Variants in GAS7 observed in about 807,000 individuals in gnomAD.
GAS7 encodes growth arrest specific 7.
In GAS7, 28 loss-of-function variants were observed where a neutral mutation model predicts 71.1. The observed-to-expected ratio is 0.39, with a 90% confidence interval of 0.29 to 0.54. The LOEUF is 0.54. Ranked by LOEUF, GAS7 falls within the 20% of genes least tolerant of loss-of-function variation. The pLI is 0.62. For synonymous variants in GAS7, 258 were observed against 245.8 expected (o/e 1.05, Z -0.46); for missense variants, 436 against 627.8 (o/e 0.69, Z 3.27).
At chr17:10,179,229 T>C (rs961179387) in intron 1 of GAS7, among the ~76,000 whole-genome samples, 7 of 151,918 alleles carry the variant, frequency 4.6e-5, no homozygotes, top group African/African-American at 1.2e-4. Flanking sequence ...CTCTGGAGGC[T>C]GAGGCAGGAG....
intron 1 of GAS7, chr17:10,036,779 T>C (rs1490760024): frequency 3.5e-6 from 4 of 1,144,428 alleles, no homozygotes; most frequent in Non-Finnish European, 4.3e-6. Flanking sequence ...ACTCTCCCTC[T>C]TTTTCCCCTT....
At chr17:9,973,367 C>T (rs1406624487) in intron 3 of GAS7, among the ~76,000 whole-genome samples, 1 of 151,838 alleles carries the variant, frequency 6.6e-6, no homozygotes, top group Non-Finnish European at 1.5e-5. Context: ...GATTCTCCTG[C>T]CTCAGCCTCC....
intron 6 of GAS7, among the ~76,000 whole-genome samples, chr17:9,945,351 C>T (rs1031574359): frequency 6.6e-6 from 1 of 151,882 alleles, no homozygotes; most frequent in Non-Finnish European, 1.5e-5. Context: ...CTAACACCCT[C>T]CTTCCACAAG....
Position 9,916,412 on chromosome 17 carries a change from A to T in GAS7, c.*816T>A, listed in dbSNP as rs2067583326. 1 of 233,192 alleles carries T rather than the reference A, an allele frequency of 4.3e-6. No individual in the cohort carries two copies. The highest frequency in any genetic ancestry group is 8.5e-6 in the Non-Finnish European group (1 of 117,902). The allele number at this position is 233,192 out of a possible 1,614,324, so 14.4% of individuals were successfully genotyped here. A position where few individuals can be genotyped will look rare whatever the true frequency, so the allele number is the denominator to read the frequency against. Reference sequence around the variant, plus strand: ...GCTGGATGAGGTCTTGATAACTGAGAACTTTGGAAAGCTTCCTCTAATGAG... The same window carrying T: ...GCTGGATGAGGTCTTGATAACTGAGTACTTTGGAAAGCTTCCTCTAATGAG... On this transcript the variant is annotated 3_prime_UTR_variant, in exon 14 of 14. Transcript: ENST00000432992.
At chr17:9,996,118 T>A (rs997839674) in intron 2 of GAS7, among the ~76,000 whole-genome samples, 2 of 152,326 alleles carry the variant, frequency 1.3e-5, no homozygotes, top group South Asian at 4.1e-4. Flanking sequence ...TAAAGACACA[T>A]GCACACGTAC....
At chr17:10,053,094 G>C (rs1482480813) in intron 1 of GAS7, among the ~76,000 whole-genome samples, 2 of 152,162 alleles carry the variant, frequency 1.3e-5, no homozygotes, top group Non-Finnish European at 2.9e-5. Context: ...AGGCAGCAAG[G>C]TGGAGGAAGA....
Position 9,925,431 on chromosome 17 carries a change from CCTT to C in GAS7, c.1138+42_1138+44del, listed in dbSNP as rs10615654. ...CTCATCTCCTAGCCCCGTGCCCTCT[CCTT>C]CTGTGTGCACTGACCAGGCCAGGCG... On this transcript the variant is annotated intron_variant, in intron 11 of 13. Transcript: ENST00000432992. 205,531 of 1,607,508 alleles carry C rather than the reference CCTT, an allele frequency of 0.13. 13,790 individuals carry two copies. Among genetic ancestry groups the C allele is most frequent in the Admixed American group, 0.18 (10,995 of 59,968 alleles).
intron 1 of GAS7, among the ~76,000 whole-genome samples, chr17:10,106,085 C>T (rs945824887): frequency 5.3e-5 from 8 of 152,206 alleles, no homozygotes; most frequent in African/African-American, 1.7e-4. Context: ...AACATTAGCA[C>T]GTTACTCCTA....
At chr17:10,125,521 A>G (rs1449806420) in intron 1 of GAS7, among the ~76,000 whole-genome samples, 1 of 101,444 alleles carries the variant, frequency 9.9e-6, no homozygotes, top group Non-Finnish European at 1.9e-5. Flanking sequence ...GCGAAACTCC[A>G]TCTTAAAAAA....
chr17:10,072,324 C>T (rs548004222), intron 1 of GAS7, among the ~76,000 whole-genome samples: 1 of 152,268 alleles, frequency 6.6e-6, no homozygotes, highest in Admixed American at 6.5e-5. Flanking sequence ...GAAGACAAAC[C>T]CAGCACCCAG....
At chr17:9,918,160 C>T (rs900887666) in intron 12 of GAS7, 61 bp from the exon 13 acceptor site, 6 of 1,168,736 alleles carry the variant, frequency 5.1e-6, no homozygotes, top group East Asian at 2.4e-5. Flanking sequence ...GGGGTCCCCC[C>T]ACCAAGACCA....
intron 6 of GAS7, among the ~76,000 whole-genome samples, chr17:9,944,364 A>C (rs578134505): frequency 6.6e-6 from 1 of 152,342 alleles, no homozygotes; most frequent in African/African-American, 2.4e-5. Flanking sequence ...AGAGAGGTGC[A>C]TTGGTGAGAA....
intron 1 of GAS7, among the ~76,000 whole-genome samples, chr17:10,048,737 T>C (rs992752873): frequency 6.6e-6 from 1 of 152,184 alleles, no homozygotes; most frequent in Non-Finnish European, 1.5e-5. Flanking sequence ...GTTAGAGGCA[T>C]GCAAGTGAAG....
intron 4 of GAS7, among the ~76,000 whole-genome samples, chr17:9,963,048 A>G (rs1471002500): frequency 6.6e-6 from 1 of 150,900 alleles, no homozygotes; most frequent in African/African-American, 2.5e-5. Flanking sequence ...TGAAAAAAAA[A>G]AAAAAGAAAA....
chr17:10,131,047 A>G (rs62066704), intron 1 of GAS7, among the ~76,000 whole-genome samples: 32,821 of 152,186 alleles, frequency 0.22, 4,529 homozygotes, highest in Admixed American at 0.34. Context: ...CATAAAAGGT[A>G]TCTTGCTGAG....
chr17:10,061,453 T>C (rs2073218927), intron 1 of GAS7: 1 of 152,192 alleles, frequency 6.6e-6, no homozygotes, highest in South Asian at 2.1e-4. Context: ...TCCCCACCCA[T>C]GACTCCCACA....
At chr17:9,997,253 C>T (rs1036339571) in intron 2 of GAS7, among the ~76,000 whole-genome samples, 7 of 37,114 alleles carry the variant, frequency 1.9e-4, no homozygotes, top group Non-Finnish European at 5.0e-4. Context: ...CGGGTGGGGG[C>T]GGGGGCGGTG....
At chr17:10,018,485 C>T (rs184798130) in intron 2 of GAS7, among the ~76,000 whole-genome samples, 28 of 152,302 alleles carry the variant, frequency 1.8e-4, no homozygotes, top group Admixed American at 1.1e-3. Flanking sequence ...CATAGACACA[C>T]TCTCCTCTGA....
At chr17:10,005,502 T>TAA (rs60669867) in intron 2 of GAS7, among the ~76,000 whole-genome samples, 37,073 of 151,272 alleles carry the variant, frequency 0.25, 7,103 homozygotes, top group African/African-American at 0.54. Context: ...AGTTGAGTAT[T>TAA]AAAAAAAATG....
Sources: gnomAD v4.1 joint callset for allele counts (sites outside exome capture counted in the v4.1 genomes callset) on GRCh38, gnomAD v4.1.1 for gene constraint, MANE v1.5 for transcripts, NCBI Gene and HGNC (gene_info 2026-07-23, HGNC 2026-07-21) for gene names.